The following F13A1 variants were observed in gnomAD, a reference collection of about 807,000 sequenced individuals.
F13A1 encodes coagulation factor XIII A chain, also known as FSF, A subunit.
A neutral mutation model predicts 80.1 loss-of-function variants in F13A1; 47 were observed. The observed-to-expected ratio is 0.59, with a 90% CI of 0.46 to 0.75. The LOEUF (loss-of-function observed/expected upper bound fraction) is 0.75. F13A1 is among the 30% of genes least tolerant of loss of function. F13A1 has a pLI of 0.00. For missense variants in F13A1, 817 were observed against 930.4 expected, an observed-to-expected ratio of 0.88 and a Z score of 1.59; for synonymous variants, 349 against 344.9, an observed-to-expected ratio of 1.01 and a Z score of -0.13.
intron 8 of F13A1, among the ~76,000 whole-genome samples, chr6:6,219,189 A>G (rs1244967692): frequency 2.0e-5 from 3 of 152,054 alleles, no homozygotes; most frequent in Non-Finnish European, 4.4e-5. Context: ...TATGAGGCCA[A>G]TAGCTCCTGA....
rs534071726 is a variant in F13A1 at position 6,266,429 on chromosome 6, C to A, written c.571+129G>T. ...AATTTTTATTTTTTAGAGACTAGGT[C>A]TCAAACTCCTGGCCTCAAGCGATCC... is the stretch of plus-strand genomic sequence containing the variant. On this transcript the variant is annotated intron_variant, in intron 4 of 14. Transcript: ENST00000264870. 28 of 1,411,866 alleles carry A rather than the reference C, an allele frequency of 2.0e-5. No homozygotes were observed. The African/African-American group carries it at 3.5e-4, about 18-fold the overall frequency. The allele number at this position is 1,411,866 out of a possible 1,614,324, so 87.5% of individuals were successfully genotyped here.
chr6:6,156,813 T>C (rs574806175), intron 13 of F13A1, among the ~76,000 whole-genome samples: 355 of 152,352 alleles, frequency 2.3e-3, no homozygotes, highest in Non-Finnish European at 4.4e-3. Flanking sequence ...AAAAATTCAG[T>C]TCCTCAGTTG....
At chr6:6,230,209 C>A (rs905480761) in intron 6 of F13A1, among the ~76,000 whole-genome samples, 1 of 152,008 alleles carries the variant, frequency 6.6e-6, no homozygotes, top group Non-Finnish European at 1.5e-5. Context: ...TTTTCAAGGC[C>A]ATCTTGCCCT....
At chr6:6,212,139 C>A (rs960820084) in intron 8 of F13A1, among the ~76,000 whole-genome samples, 2 of 152,254 alleles carry the variant, frequency 1.3e-5, no homozygotes, top group Non-Finnish European at 2.9e-5. Context: ...CTTAGGTAAA[C>A]AAAGCGGCCA....
chr6:6,169,926 T>A (rs1005293050), intron 12 of F13A1, among the ~76,000 whole-genome samples: 1 of 152,226 alleles, frequency 6.6e-6, no homozygotes, highest in Non-Finnish European at 1.5e-5. Context: ...TTTAAAGCTA[T>A]GACCTTGCCT....
intron 3 of F13A1, among the ~76,000 whole-genome samples, chr6:6,300,705 G>T (rs1217813892): frequency 6.6e-6 from 1 of 151,866 alleles, no homozygotes; most frequent in Non-Finnish European, 1.5e-5. Flanking sequence ...CTGTCTTCTG[G>T]GTCGCTCAGG....
At position 6,305,239 on chromosome 6, in the gene F13A1, T is replaced by C. The variant is rs552708546; in HGVS notation, c.319+112A>G. 1,114 of 1,194,292 alleles carry C rather than the reference T, an allele frequency of 9.3e-4. 3 individuals carry two copies. In the Middle Eastern group the frequency reaches 0.01, roughly 11 times the overall value. 74.0% of individuals were successfully genotyped at this position (1,194,292 alleles called of 1,614,324 possible). ...TTCAGGGGCTGGATGTCATTCCAGC[T>C]CCTGCCACTGTTGACATATGACACT... On this transcript the variant is annotated intron_variant, in intron 3 of 14. Transcript: ENST00000264870.
intron 11 of F13A1, among the ~76,000 whole-genome samples, chr6:6,181,280 T>C (rs191557973): frequency 5.3e-5 from 8 of 152,332 alleles, no homozygotes; most frequent in Admixed American, 5.2e-4. Context: ...CTCTGCACAA[T>C]AATCCTGTCA....
chr6:6,316,078 CAT>C lies in F13A1; in HGVS notation c.130+2455_130+2456del, dbSNP rs57716665. Among the ~76,000 whole-genome samples the C allele has an allele frequency of 1.3e-3, 44 of 34,918 alleles. 3 individuals are homozygous for C. Among genetic ancestry groups the C allele is most frequent in the East Asian group, 3.1e-3 (3 of 982 alleles). 22.9% of individuals were successfully genotyped at this position (34,918 alleles called of 152,430 possible). A position where few individuals can be genotyped will look rare whatever the true frequency, so the allele number is the denominator to read the frequency against. On this transcript the variant is annotated intron_variant, in intron 2 of 14. Transcript: ENST00000264870. ...GTTTGTGTGCTGCTATGTGTGTGTGCATATATATATATATATATATATATATA... is the reference window on the plus strand; with the variant it reads ...GTTTGTGTGCTGCTATGTGTGTGTGCATATATATATATATATATATATATA...
At chr6:6,172,692 C>T (rs1336881829) in intron 12 of F13A1, among the ~76,000 whole-genome samples, 1 of 152,100 alleles carries the variant, frequency 6.6e-6, no homozygotes, top group Non-Finnish European at 1.5e-5. Flanking sequence ...GTTGATCCAC[C>T]CGCCTCAGCC....
chr6:6,231,798 C>T lies in F13A1; in HGVS notation c.799-6938G>A, dbSNP rs4960180. On this transcript the variant is annotated intron_variant, in intron 6 of 14. Transcript: ENST00000264870. The stretch of plus-strand genomic sequence containing the variant: ...CAGCCTCTTCAAACAAAACAATTAT[C>T]AGCCAAGAATTTTGTATCCAGCGAA... Among the ~76,000 whole-genome samples the T allele has an allele frequency of 9.7e-3, 1,484 of 152,286 alleles. 24 individuals carry two copies. Among genetic ancestry groups the T allele is most frequent in the Non-Finnish European group, 0.016 (1,100 of 68,004 alleles).
At chr6:6,212,437 C>T (rs535515421) in intron 8 of F13A1, among the ~76,000 whole-genome samples, 8 of 152,122 alleles carry the variant, frequency 5.3e-5, no homozygotes, top group Admixed American at 3.3e-4. Flanking sequence ...CTCACACGGC[C>T]GGGTACTCCA....
chr6:6,296,057 G>C (rs1221106709), intron 3 of F13A1, among the ~76,000 whole-genome samples: 1 of 139,466 alleles, frequency 7.2e-6, no homozygotes, highest in East Asian at 2.1e-4. Context: ...GATAGTTGTA[G>C]ATATGTGGCA....
At chr6:6,253,988 A>G (rs1398353415) in intron 4 of F13A1, among the ~76,000 whole-genome samples, 1 of 152,216 alleles carries the variant, frequency 6.6e-6, no homozygotes, top group Non-Finnish European at 1.5e-5. Context: ...TTCACCTGAC[A>G]TGTTCCAGAT....
At chr6:6,229,360 A>G (rs1482642383) in intron 6 of F13A1, among the ~76,000 whole-genome samples, 2 of 152,178 alleles carry the variant, frequency 1.3e-5, no homozygotes, top group African/African-American at 4.8e-5. Context: ...ACCATTACAG[A>G]GCTAATAATA....
chr6:6,230,837 G>A (rs1757341744), intron 6 of F13A1, among the ~76,000 whole-genome samples: 1 of 152,184 alleles, frequency 6.6e-6, no homozygotes, highest in Non-Finnish European at 1.5e-5. Flanking sequence ...ACCCAGAAGA[G>A]AGACAATCAC....
intron 3 of F13A1, among the ~76,000 whole-genome samples, chr6:6,304,315 A>AT (rs1367330945): frequency 2.0e-5 from 3 of 151,774 alleles, no homozygotes; most frequent in Non-Finnish European, 4.4e-5. Flanking sequence ...TGATTGCCTA[A>AT]TTTTTTCCTT....
rs1050782 is a variant in F13A1, at chr6:6,145,493, A to G, written c.*126T>C. On this transcript the variant is annotated 3_prime_UTR_variant, in exon 15 of 15. Coordinates refer to ENST00000264870, the MANE Select transcript of F13A1 (RefSeq NM_000129.4). The stretch of plus-strand genomic sequence containing the variant: ...GAAATATGTGGGATCTCCACTCTGG[A>G]GCCCTCTGCAGTCCTGTCTGGGTCT... 0.46 allele frequency: 540,036 copies of G among 1,166,628 alleles called. 129,064 individuals carry two copies. Among genetic ancestry groups the G allele is most frequent in the African/African-American group, 0.71 (46,960 of 66,238 alleles). The allele number at this position is 1,166,628 out of a possible 1,614,324, so 72.3% of individuals were successfully genotyped here. A position where few individuals can be genotyped will look rare whatever the true frequency, so the allele number is the denominator to read the frequency against.
At chr6:6,281,621 C>T (rs769996141) in intron 3 of F13A1, among the ~76,000 whole-genome samples, 6 of 152,196 alleles carry the variant, frequency 3.9e-5, no homozygotes, top group Non-Finnish European at 7.3e-5. Flanking sequence ...ACAACAGCAA[C>T]ATAAAACTAA....
Sources: allele counts gnomAD v4.1 joint callset (sites outside exome capture counted in the v4.1 genomes callset), GRCh38; gene constraint gnomAD v4.1.1; transcripts MANE v1.5; gene names NCBI Gene and HGNC (gene_info 2026-07-23, HGNC 2026-07-21).